ELP5: variants seen among roughly 807,000 people sequenced by gnomAD.
The protein encoded by ELP5 is elongator acetyltransferase complex subunit 5, also known as elongator complex protein 5.
Under a neutral mutation model 33.4 loss-of-function variants are expected in ELP5, and 34 were observed. That is an observed-to-expected ratio of 1.02 (90% CI 0.78 to 1.36). ELP5 has a LOEUF of 1.36. ELP5 is among the 40% of genes most tolerant of loss of function. ELP5 has a pLI of 0.00. For synonymous variants in ELP5, 161 were observed against 146.4 expected (o/e 1.10, Z -0.72); for missense variants, 373 against 371.7 (o/e 1.00, Z -0.03).
upstream of ELP5, chr17:7,252,137 C>T (rs901534331): frequency 2.8e-6 from 1 of 353,164 alleles, no homozygotes; most frequent in Non-Finnish European, 5.4e-6. Flanking sequence ...ATTGCGCACG[C>T]GCAGAAGGTG....
At chr17:7,257,071 G>T in intron 5 of ELP5, 33 bp downstream of exon 5, 1 of 1,512,776 alleles carries the variant, frequency 6.6e-7, no homozygotes, top group Non-Finnish European at 8.8e-7. Flanking sequence ...GACTGGAAAC[G>T]GGGGACAGAG....
intron 4 of ELP5, among the ~76,000 whole-genome samples, chr17:7,255,251 C>T (rs1286577840): frequency 6.6e-6 from 1 of 152,064 alleles, no homozygotes; most frequent in East Asian, 1.9e-4. Flanking sequence ...CTTGGCCGGG[C>T]GCGGTGGCTC....
intron 7 of ELP5, chr17:7,259,260 G>A (rs2072155597): frequency 1.5e-6 from 2 of 1,371,136 alleles, no homozygotes; most frequent in Non-Finnish European, 1.9e-6. Flanking sequence ...GGCAGAGGCT[G>A]GTTAACAAGG....
chr17:7,254,642 T>G lies in ELP5; in HGVS notation c.248T>G (p.Phe83Cys). Residue 83 changes from phenylalanine (F) to cysteine (C), a missense_variant, in exon 4 of 8, where the codon TTT becomes TGT. Physicochemically the swap from Phe to Cys is radical, Grantham distance 205. Coordinates refer to ENST00000396628, the MANE Select transcript of ELP5 (RefSeq NM_203414.3). ...PLNWSKTEEA[F>C]PGGPLGALRA... Reference sequence around the variant, plus strand: ...AACTGGTCAAAAACTGAGGAGGCCTTTCCTGGGGGGCCGCTGGGAGCCTTG... The same window carrying G: ...AACTGGTCAAAAACTGAGGAGGCCTGTCCTGGGGGGCCGCTGGGAGCCTTG... 6.2e-7 allele frequency: 1 copy of G among 1,614,154 alleles called. No individual in the cohort carries two copies. Among genetic ancestry groups the G allele is most frequent in the East Asian group, 2.2e-5 (1 of 44,892 alleles).
At chr17:7,258,489 T>G in intron 5 of ELP5, 99 bp from the exon 6 acceptor site, 6 of 1,077,190 alleles carry the variant, frequency 5.6e-6, no homozygotes, top group Admixed American at 2.2e-5. Context: ...CTGAAAGCAG[T>G]CAGTTAAATA....
chr17:7,256,063 TAAA>T (rs1000038770), intron 4 of ELP5, among the ~76,000 whole-genome samples: 4 of 150,972 alleles, frequency 2.6e-5, no homozygotes, highest in African/African-American at 9.8e-5. Flanking sequence ...CTCAAAAAAA[TAAA>T]AACAGTCCGG....
At chr17:7,256,707 G>A (rs2072082292) in intron 4 of ELP5, 150 bp from the exon 5 acceptor site, 2 of 692,104 alleles carry the variant, frequency 2.9e-6, no homozygotes, top group Non-Finnish European at 4.9e-6. Context: ...GCTGGAGGAG[G>A]CTCAGAGCAC....
chr17:7,257,599 G>A (rs1422848777), intron 5 of ELP5, among the ~76,000 whole-genome samples: 1 of 151,912 alleles, frequency 6.6e-6, no homozygotes, highest in Non-Finnish European at 1.5e-5. Flanking sequence ...ACCACATCCA[G>A]CCAGCTTTTT....
rs972820181 is a variant in ELP5 at position 7,252,274 on chromosome 17, G to A, written c.-277G>A. ...TGTGGGTCCTCCTCCCCCTCCCACTGACAACTGCCCCAACTGCTCTTCCCG... is the reference window on the plus strand; with the variant it reads ...TGTGGGTCCTCCTCCCCCTCCCACTAACAACTGCCCCAACTGCTCTTCCCG... On this transcript the variant is annotated 5_prime_UTR_variant, in exon 1 of 8. Coordinates refer to ENST00000396628, the MANE Select transcript of ELP5 (RefSeq NM_203414.3). 25 of 529,862 alleles carry A rather than the reference G, an allele frequency of 4.7e-5. No homozygotes were observed. Among genetic ancestry groups the A allele is most frequent in the African/African-American group, 4.2e-4 (22 of 52,080 alleles). The allele number at this position is 529,862 out of a possible 1,614,324, so 32.8% of individuals were successfully genotyped here.
Position 7,258,924 on chromosome 17 carries a change from AAAGT to A in ELP5, c.788+2_788+5del. 2 of 1,614,152 alleles carry A rather than the reference AAAGT, an allele frequency of 1.2e-6. No individual in the cohort carries two copies. The highest frequency in any genetic ancestry group is 1.7e-6 in the Non-Finnish European group (2 of 1,180,036). On this transcript the variant is annotated splice_donor_variant and coding_sequence_variant, in exon 7 of 8. Transcript: ENST00000396628. LOFTEE classifies it high-confidence loss of function. ...TCCTGCCCTTCCAGTTCAGTTCTGA[AAAGT>A]AAGGTTGGGACCTGGGTACGTGGAT...
At chr17:7,257,070 CGG>C (rs112150023) in intron 5 of ELP5, 32 bp downstream of exon 5, 23 of 1,511,546 alleles carry the variant, frequency 1.5e-5, no homozygotes, top group African/African-American at 1.3e-4. Context: ...GGACTGGAAA[CGG>C]GGGACAGAGA....
intron 7 of ELP5, 141 bp from the exon 8 acceptor site, chr17:7,259,430 G>C: frequency 6.8e-7 from 1 of 1,471,534 alleles, no homozygotes; most frequent in Non-Finnish European, 9.0e-7. Context: ...CTAACATGGA[G>C]GTCAGAGAAA....
Position 7,256,998 on chromosome 17 carries a change from A to G in ELP5, c.551A>G (p.His184Arg). The change falls in exon 5 of 8, where the codon CAC (histidine) becomes CGC (arginine). Residue 184 changes from histidine (H) to arginine (R), a missense_variant. Transcript: ENST00000396628. ...GGTACCATGGGCCAGGCCTCGGCCCACATCCTGTGTCGGAGGCCCCGACAG... is the reference window on the plus strand; with the variant it reads ...GGTACCATGGGCCAGGCCTCGGCCCGCATCCTGTGTCGGAGGCCCCGACAG... ...LGGTMGQASA[H>R]ILCRRPRQRP... The G allele has an allele frequency of 6.2e-7, 1 of 1,608,168 alleles. No homozygotes were observed. Among genetic ancestry groups the G allele is most frequent in the Non-Finnish European group, 8.5e-7 (1 of 1,178,032 alleles).
chr17:7,254,537 C>T (rs769545507), intron 3 of ELP5, 46 bp from the exon 4 acceptor site: 97 of 1,423,296 alleles, frequency 6.8e-5, no homozygotes, highest in Admixed American at 6.0e-5. Context: ...GTGATCCTCT[C>T]GGGGGAAGGG....
Position 7,252,733 on chromosome 17 carries a change from G to A in ELP5, c.47-37G>A, listed in dbSNP as rs754053552. ...CGGGTTCGCGAAGGCGGTAATCCCAGCGCTCTCATACCCTTTATCCGTCCC... is the reference window on the plus strand; with the variant it reads ...CGGGTTCGCGAAGGCGGTAATCCCAACGCTCTCATACCCTTTATCCGTCCC... On this transcript the variant is annotated intron_variant, in intron 1 of 7. Transcript: ENST00000396628. 6.2e-6 allele frequency: 10 copies of A among 1,613,958 alleles called. No homozygotes were observed. The South Asian group carries it at 9.9e-5, about 16-fold the overall frequency.
intron 4 of ELP5, 58 bp downstream of exon 4, chr17:7,254,861 C>T: frequency 2.0e-6 from 3 of 1,466,722 alleles, no homozygotes; most frequent in Non-Finnish European, 2.9e-6. Context: ...AGGAGTGTGC[C>T]CCTTTTCCTT....
rs1393567834 is a variant in ELP5 at position 7,252,443 on chromosome 17, T to G, written c.-108T>G. The G allele has an allele frequency of 6.6e-7, 1 of 1,524,962 alleles. No individual in the cohort carries two copies. The highest frequency in any genetic ancestry group is 1.1e-5 in the South Asian group (1 of 87,106). The allele number at this position is 1,524,962 out of a possible 1,614,324, so 94.5% of individuals were successfully genotyped here. A position where few individuals can be genotyped will look rare whatever the true frequency, so the allele number is the denominator to read the frequency against. The stretch of plus-strand genomic sequence containing the variant: ...CATTCCAGACTATGTTAGGTCTTAA[T>G]GGTGGGAGGACGCCCGAGTGCTCGG... On this transcript the variant is annotated 5_prime_UTR_variant, in exon 1 of 8. The change abolishes an upstream ATG in the 5' untranslated region. Transcript: ENST00000396628.
At chr17:7,253,243 GGTATTGCAGTAATCC>G (rs2071993445) in intron 3 of ELP5, among the ~76,000 whole-genome samples, 1 of 152,122 alleles carries the variant, frequency 6.6e-6, no homozygotes, top group East Asian at 1.9e-4. Flanking sequence ...ATGTGGGAAG[GGTATTGCAGTAATCC>G]GTTAATCCGG....
intron 4 of ELP5, among the ~76,000 whole-genome samples, chr17:7,256,361 A>AAATTGTT (rs1364475507): frequency 6.6e-6 from 1 of 152,216 alleles, no homozygotes; most frequent in Non-Finnish European, 1.5e-5. Flanking sequence ...AAAGAAAAAA[A>AAATTGTT]AATTGTTAAA....
Sources: gnomAD v4.1 joint callset for allele counts (sites outside exome capture counted in the v4.1 genomes callset) on GRCh38, gnomAD v4.1.1 for gene constraint, MANE v1.5 for transcripts, NCBI Gene and HGNC (gene_info 2026-07-23, HGNC 2026-07-21) for gene names.